ZNF420: variants seen among roughly 807,000 people sequenced by gnomAD.
ZNF420 encodes the protein zinc finger protein 420.
Under a neutral mutation model 44.7 loss-of-function variants are expected in ZNF420, and 31 were observed. That is an observed-to-expected ratio of 0.69 (90% confidence interval 0.52 to 0.94). The LOEUF is 0.94. Among genes scored for constraint, ZNF420 ranks in the 40% least tolerant of loss-of-function variants. The probability of loss-of-function intolerance (pLI) is 0.00; values close to 1 mark genes in which losing one functional copy is unlikely to be tolerated. For synonymous variants in ZNF420, 245 were observed against 267.4 expected, an observed-to-expected ratio of 0.92 and a Z score of 0.82; for missense variants, 681 against 827.9, an observed-to-expected ratio of 0.82 and a Z score of 2.18.
chr19:37,025,180 C>T (rs1045753167), intron 1 of ZNF420: 6 of 428,422 alleles, frequency 1.4e-5, no homozygotes, highest in East Asian at 1.1e-4. Flanking sequence ...AGAAAGTTGG[C>T]GGCTAGTCCT....
intron 1 of ZNF420, among the ~76,000 whole-genome samples, chr19:37,061,428 G>A (rs1967878622): frequency 6.6e-6 from 1 of 152,220 alleles, no homozygotes; most frequent in African/African-American, 2.4e-5. Context: ...ATTTATCAGT[G>A]TACAATGATG....
rs1166145374 is a variant in ZNF420 at position 37,101,012 on chromosome 19, C to G, written c.136+9891C>G. 7.1e-5 allele frequency among the ~76,000 whole-genome samples: 7 copies of G among 98,916 alleles called. No homozygotes were observed. The East Asian group carries it at 1.6e-3, about 23-fold the overall frequency. 64.9% of individuals were successfully genotyped at this position (98,916 alleles called of 152,430 possible). Reference sequence around the variant, plus strand: ...TTTATTCCTTTTTTTTTTTTTTTTGCTATCTATTATAAATGGGATTGATTT... The same window carrying G: ...TTTATTCCTTTTTTTTTTTTTTTTGGTATCTATTATAAATGGGATTGATTT... On this transcript the variant is annotated intron_variant, in intron 4 of 4. Coordinates refer to ENST00000337995, the MANE Select transcript of ZNF420 (RefSeq NM_144689.5).
chr19:37,058,565 C>G (rs959637324), intron 1 of ZNF420, among the ~76,000 whole-genome samples: 9 of 152,068 alleles, frequency 5.9e-5, no homozygotes, highest in Admixed American at 5.9e-4. Flanking sequence ...GTGGGGTGAA[C>G]TATGCAGAAA....
intron 1 of ZNF420, among the ~76,000 whole-genome samples, chr19:37,030,321 C>A (rs908113213): frequency 1.3e-5 from 2 of 152,150 alleles, no homozygotes; most frequent in African/African-American, 4.8e-5. Context: ...GCCAACACAC[C>A]AGGCTAATTT....
chr19:37,030,387 T>G (rs1013415004), intron 1 of ZNF420, among the ~76,000 whole-genome samples: 1 of 152,184 alleles, frequency 6.6e-6, no homozygotes, highest in Non-Finnish European at 1.5e-5. Context: ...GGTCTTGAGC[T>G]TCTGACCTCC....
At chr19:37,031,721 A>G (rs369723274) in intron 1 of ZNF420, among the ~76,000 whole-genome samples, 2 of 152,044 alleles carry the variant, frequency 1.3e-5, no homozygotes, top group East Asian at 3.9e-4. Flanking sequence ...CATGTTGGCC[A>G]GGCTAGTCTC....
At chr19:37,061,652 A>C (rs1309964095) in intron 1 of ZNF420, among the ~76,000 whole-genome samples, 1 of 152,228 alleles carries the variant, frequency 6.6e-6, no homozygotes. Flanking sequence ...ATGTCTTTTT[A>C]TAAAAGAGCC....
intron 1 of ZNF420, among the ~76,000 whole-genome samples, chr19:37,063,558 C>T (rs1967915724): frequency 6.6e-6 from 1 of 151,148 alleles, no homozygotes. Flanking sequence ...CCTCCCCCGC[C>T]TACCCCCACC....
chr19:37,117,891 A>T (rs1970787226), intron 4 of ZNF420, among the ~76,000 whole-genome samples: 1 of 152,226 alleles, frequency 6.6e-6, no homozygotes, highest in African/African-American at 2.4e-5. Flanking sequence ...AGATCAAATG[A>T]ATGAAATGAA....
At chr19:37,078,723 G>A (rs1968253598) in intron 1 of ZNF420, 153 bp downstream of exon 1, 1 of 152,588 alleles carries the variant, frequency 6.6e-6, no homozygotes, top group Non-Finnish European at 1.5e-5. Context: ...TGTGGCTGTG[G>A]TTTTGTGTAT....
chr19:37,009,506 T>C (rs1338291606), intron 1 of ZNF420, among the ~76,000 whole-genome samples: 1 of 152,136 alleles, frequency 6.6e-6, no homozygotes, highest in African/African-American at 2.4e-5. Context: ...CCCCATCTGC[T>C]CTGGGGGACG....
chr19:37,031,295 T>G (rs779133307), intron 1 of ZNF420, among the ~76,000 whole-genome samples: 5 of 152,204 alleles, frequency 3.3e-5, no homozygotes, highest in Non-Finnish European at 7.3e-5. Context: ...AACAAAGATG[T>G]GGATACATTG....
At chr19:37,115,539 G>A (rs767681042) in intron 4 of ZNF420, among the ~76,000 whole-genome samples, 10 of 151,982 alleles carry the variant, frequency 6.6e-5, no homozygotes, top group Non-Finnish European at 1.3e-4. Flanking sequence ...AAACATCTCG[G>A]TGCATTAAAT....
intron 1 of ZNF420, among the ~76,000 whole-genome samples, chr19:37,025,499 C>A (rs924611102): frequency 9.9e-5 from 15 of 151,794 alleles, no homozygotes; most frequent in African/African-American, 3.4e-4. Flanking sequence ...AATTAAGTTC[C>A]TTTTATAATA....
intron 1 of ZNF420, among the ~76,000 whole-genome samples, chr19:37,050,315 C>T (rs1967616315): frequency 6.6e-6 from 1 of 152,126 alleles, no homozygotes; most frequent in South Asian, 2.1e-4. Context: ...GCAGTATGGC[C>T]ATTTTCATGA....
intron 1 of ZNF420, among the ~76,000 whole-genome samples, chr19:37,060,416 T>A (rs1027898856): frequency 6.6e-6 from 1 of 152,186 alleles, no homozygotes; most frequent in African/African-American, 2.4e-5. Context: ...CCCGTGGCGG[T>A]GGCACTGTGC....
chr19:37,117,204 C>A (rs866288770), intron 4 of ZNF420, among the ~76,000 whole-genome samples: 4 of 152,206 alleles, frequency 2.6e-5, no homozygotes, highest in Admixed American at 2.0e-4. Flanking sequence ...AGGCACCCCC[C>A]AGTAGGGGCA....
chr19:37,113,094 G>C (rs1970469218), intron 4 of ZNF420, among the ~76,000 whole-genome samples: 1 of 152,190 alleles, frequency 6.6e-6, no homozygotes, highest in Non-Finnish European at 1.5e-5. Flanking sequence ...GAATGCCCCA[G>C]TTTGTTGCGG....
chr19:37,014,643 T>TGCA (rs1341799327), intron 1 of ZNF420, among the ~76,000 whole-genome samples: 1 of 152,140 alleles, frequency 6.6e-6, no homozygotes, highest in Non-Finnish European at 1.5e-5. Flanking sequence ...GCCCTGACAT[T>TGCA]GCAGCGCGCG....
Sources: allele counts gnomAD v4.1 joint callset (sites outside exome capture counted in the v4.1 genomes callset), GRCh38; gene constraint gnomAD v4.1.1; transcripts MANE v1.5; gene names NCBI Gene and HGNC (gene_info 2026-07-23, HGNC 2026-07-21).